Variants in KCNJ3 observed in about 807,000 individuals in gnomAD.
KCNJ3 encodes the protein potassium inwardly rectifying channel subfamily J member 3.
A neutral mutation model predicts 39.2 loss-of-function variants in KCNJ3; 4 were observed. That is an observed-to-expected ratio of 0.10 (90% confidence interval 0.05 to 0.23). The LOEUF (loss-of-function observed/expected upper bound fraction) is 0.23, where lower values mean the gene tolerates loss of function less well. KCNJ3 is among the 10% of genes least tolerant of loss of function. The probability of loss-of-function intolerance (pLI) is 1.00; values close to 1 mark genes in which losing one functional copy is unlikely to be tolerated. For missense variants in KCNJ3, 276 were observed against 634.9 expected, an observed-to-expected ratio of 0.43 and a Z score of 6.08; for synonymous variants, 230 against 237.4, an observed-to-expected ratio of 0.97 and a Z score of 0.29.
chr2:154,764,781 C>T (rs552257411), intron 2 of KCNJ3, among the ~76,000 whole-genome samples: 8 of 152,230 alleles, frequency 5.3e-5, no homozygotes, highest in East Asian at 1.9e-4. Flanking sequence ...CATTCAAAGC[C>T]GTCATGGGCT....
At chr2:154,705,293 A>T (rs554549433) in intron 1 of KCNJ3, among the ~76,000 whole-genome samples, 15 of 152,244 alleles carry the variant, frequency 9.9e-5, no homozygotes, top group African/African-American at 3.6e-4. Context: ...CCAAATGTGG[A>T]TCCGCTTGTG....
At chr2:154,794,879 C>T (rs752560400) in intron 2 of KCNJ3, among the ~76,000 whole-genome samples, 1 of 151,916 alleles carries the variant, frequency 6.6e-6, no homozygotes, top group Non-Finnish European at 1.5e-5. Context: ...ACTGAACATC[C>T]TTAAAAGAAA....
chr2:154,823,882 G>A (rs1021274962), intron 2 of KCNJ3, among the ~76,000 whole-genome samples: 1 of 152,048 alleles, frequency 6.6e-6, no homozygotes, highest in African/African-American at 2.4e-5. Context: ...ACTTTTTAGT[G>A]TTTAGCATAA....
Position 154,828,258 on chromosome 2 carries a change from C to T in KCNJ3, c.920-26469C>T, listed in dbSNP as rs573463045. ...TGAGAGCCATCATATGAAAACCACA[C>T]GAACCTGAACTTTGTAAAAGCTATC... On this transcript the variant is annotated intron_variant, in intron 2 of 2. Transcript: ENST00000295101. Among the ~76,000 whole-genome samples, 85 of 152,312 alleles carry T rather than the reference C, an allele frequency of 5.6e-4. 2 individuals carry two copies. Among genetic ancestry groups the T allele is most frequent in the African/African-American group, 1.9e-3 (78 of 41,572 alleles).
At chr2:154,791,478 G>A (rs1400855141) in intron 2 of KCNJ3, among the ~76,000 whole-genome samples, 3 of 151,972 alleles carry the variant, frequency 2.0e-5, no homozygotes, top group African/African-American at 7.2e-5. Context: ...TTCAAGAGAG[G>A]TTATAAAACT....
chr2:154,764,701 A>C (rs1214066700), intron 2 of KCNJ3, among the ~76,000 whole-genome samples: 2 of 118,696 alleles, frequency 1.7e-5, no homozygotes, highest in Non-Finnish European at 3.6e-5. Flanking sequence ...CTGATAATCT[A>C]ATTAAAAAAA....
intron 2 of KCNJ3, among the ~76,000 whole-genome samples, chr2:154,772,496 T>A (rs913786607): frequency 6.6e-6 from 1 of 152,196 alleles, no homozygotes; most frequent in Non-Finnish European, 1.5e-5. Context: ...GAATTTGTAA[T>A]GATTGAAACA....
intron 2 of KCNJ3, among the ~76,000 whole-genome samples, chr2:154,839,521 C>T (rs748989347): frequency 3.3e-5 from 5 of 152,286 alleles, no homozygotes; most frequent in Admixed American, 6.5e-5. Context: ...CTGTCTTCCA[C>T]AATGGTTGAA....
At chr2:154,714,060 T>C (rs575060701) in intron 2 of KCNJ3, among the ~76,000 whole-genome samples, 2 of 152,312 alleles carry the variant, frequency 1.3e-5, no homozygotes, top group Admixed American at 6.5e-5. Context: ...AGCTTCTCTT[T>C]CTCTTTCCTG....
At chr2:154,714,536 C>T (rs981767673) in intron 2 of KCNJ3, among the ~76,000 whole-genome samples, 1 of 152,008 alleles carries the variant, frequency 6.6e-6, no homozygotes, top group South Asian at 2.1e-4. Flanking sequence ...ATGAAACTTA[C>T]CCCCAGCTAT....
At chr2:154,827,607 CCT>C (rs1345903397) in intron 2 of KCNJ3, among the ~76,000 whole-genome samples, 2 of 152,076 alleles carry the variant, frequency 1.3e-5, no homozygotes, top group South Asian at 2.1e-4. Flanking sequence ...CCTCTGGAAG[CCT>C]CTCAATCTAG....
intron 2 of KCNJ3, among the ~76,000 whole-genome samples, chr2:154,840,693 G>A (rs1687559555): frequency 6.6e-6 from 1 of 151,840 alleles, no homozygotes; most frequent in Non-Finnish European, 1.5e-5. Context: ...ATTCTTTGTA[G>A]CAATTGTGAA....
In KCNJ3 at chr2:154,822,095, A is replaced by G. The variant is rs527260890; in HGVS notation, c.920-32632A>G. Among the ~76,000 whole-genome samples the G allele has an allele frequency of 5.9e-5, 9 of 152,266 alleles. No homozygotes were observed. The South Asian group carries it at 1.9e-3, about 32-fold the overall frequency. On this transcript the variant is annotated intron_variant, in intron 2 of 2. Transcript: ENST00000295101. ...ATTACACTTGCCAAACTTAATGATGATGTTCTCCACGAAAACATCAGAAAC... is the reference window on the plus strand; with the variant it reads ...ATTACACTTGCCAAACTTAATGATGGTGTTCTCCACGAAAACATCAGAAAC...
chr2:154,772,947 AAGTTTAAATATATT>A (rs1686267992), intron 2 of KCNJ3, among the ~76,000 whole-genome samples: 2 of 152,040 alleles, frequency 1.3e-5, no homozygotes, highest in African/African-American at 4.8e-5. Context: ...TAGTATTTCC[AAGTTTAAATATATT>A]TTATTCTAGA....
intron 2 of KCNJ3, among the ~76,000 whole-genome samples, chr2:154,851,885 G>A (rs918531474): frequency 2.0e-5 from 3 of 151,884 alleles, no homozygotes; most frequent in African/African-American, 7.3e-5. Flanking sequence ...AATTGTAATG[G>A]TAAAAGCAGG....
chr2:154,708,717 CTAATTTTTAATAGTCATATT>C (rs1685055205), intron 1 of KCNJ3, among the ~76,000 whole-genome samples: 1 of 152,108 alleles, frequency 6.6e-6, no homozygotes, highest in Non-Finnish European at 1.5e-5. Flanking sequence ...TCATGGTTTG[CTAATTTTTAATAGTCATATT>C]AAATTTTCTC....
chr2:154,855,264 G>C lies in KCNJ3; in HGVS notation c.1457G>C (p.Gly486Ala). Reference sequence around the variant, plus strand: ...GCTGGAGGAGCAGCTAGGATGGAAGGGAACCTTCCAGCCAAATTAAGAAAA... The same window carrying C: ...GCTGGAGGAGCAGCTAGGATGGAAGCGAACCTTCCAGCCAAATTAAGAAAA... Reference protein sequence around the residue: ...KMAGGAARMEGNLPAKLRKMN... With the variant: ...KMAGGAARMEANLPAKLRKMN... Residue 486 changes from glycine to alanine, a missense_variant, in exon 3 of 3, where the codon GGG becomes GCG. By Grantham distance (60) the Gly-to-Ala change is moderately conservative (BLOSUM62 0). This residue lies in a region of KCNJ3 where 126 missense variants were observed against 179.8 expected (regional missense o/e 0.70). Transcript: ENST00000295101. 6.2e-7 allele frequency: 1 copy of C among 1,611,932 alleles called. No individual in the cohort carries two copies. The highest frequency in any genetic ancestry group is 8.5e-7 in the Non-Finnish European group (1 of 1,179,444).
chr2:154,815,112 G>A (rs1005273686), intron 2 of KCNJ3, among the ~76,000 whole-genome samples: 1 of 152,146 alleles, frequency 6.6e-6, no homozygotes, highest in African/African-American at 2.4e-5. Flanking sequence ...CAGTTGAATT[G>A]CCTAATTTGT....
intron 2 of KCNJ3, among the ~76,000 whole-genome samples, chr2:154,786,549 C>T (rs2105207116): frequency 6.6e-6 from 1 of 152,280 alleles, no homozygotes; most frequent in Non-Finnish European, 1.5e-5. Context: ...TGTTTTCAGT[C>T]AGTCAAATTG....
Sources: allele counts gnomAD v4.1 joint callset (sites outside exome capture counted in the v4.1 genomes callset), GRCh38; gene constraint gnomAD v4.1.1; regional missense constraint gnomAD v4.1.1; transcripts MANE v1.5; gene names NCBI Gene and HGNC (gene_info 2026-07-23, HGNC 2026-07-21).